Variants in ARHGAP10 observed in about 807,000 individuals in gnomAD.
ARHGAP10 encodes Rho GTPase activating protein 10.
ARHGAP10 carries 87 observed loss-of-function variants against 108.6 expected under a neutral mutation model. The observed-to-expected ratio is 0.80, with a 90% CI of 0.67 to 0.96. ARHGAP10 has a LOEUF of 0.96. ARHGAP10 is among the 40% of genes least tolerant of loss of function. The pLI is 0.00. For missense variants in ARHGAP10, 939 were observed against 954.5 expected, an observed-to-expected ratio of 0.98 and a Z score of 0.21; for synonymous variants, 347 against 341.1, an observed-to-expected ratio of 1.02 and a Z score of -0.19.
At chr4:147,927,108 G>A (rs1438579102) in intron 13 of ARHGAP10, among the ~76,000 whole-genome samples, 1 of 152,218 alleles carries the variant, frequency 6.6e-6, no homozygotes, top group Non-Finnish European at 1.5e-5. Context: ...AGCATGAGGA[G>A]ATGGAGACAC....
intron 18 of ARHGAP10, among the ~76,000 whole-genome samples, chr4:147,975,184 A>G (rs1219111427): frequency 6.6e-6 from 1 of 152,038 alleles, no homozygotes; most frequent in African/African-American, 2.4e-5. Flanking sequence ...TGTAATAGGG[A>G]TTGTGGTAGA....
rs1292269570 is a variant in ARHGAP10, at chr4:147,822,904, T to G, written c.259T>G (p.Leu87Val). 1 of 1,614,136 alleles carries G rather than the reference T, an allele frequency of 6.2e-7. No individual in the cohort carries two copies. Residue 87 changes from leucine (L) to valine (V), a missense_variant, in exon 3 of 23, where the codon TTA becomes GTA. By Grantham distance (32) the Leu-to-Val change is conservative. Coordinates refer to ENST00000336498, the MANE Select transcript of ARHGAP10 (RefSeq NM_024605.4). ...CTCCTTTCTTCTTACAGATGCTTCC[T>G]TACGTGAATTTTCAAATTTTTTGAA... Reference protein sequence around the residue: ...TDDERCIDASLREFSNFLKNL... With the variant: ...TDDERCIDASVREFSNFLKNL...
chr4:148,066,946 G>T (rs1729907634), intron 22 of ARHGAP10, among the ~76,000 whole-genome samples: 3 of 152,244 alleles, frequency 2.0e-5, no homozygotes. Context: ...GAGCCAGTTT[G>T]TGTCTCCCTT....
intron 8 of ARHGAP10, among the ~76,000 whole-genome samples, chr4:147,876,485 C>T (rs552820641): frequency 5.9e-5 from 9 of 151,890 alleles, no homozygotes; most frequent in South Asian, 2.1e-4. Flanking sequence ...CCCAGCTACT[C>T]GGGAGGCTGA....
chr4:147,805,067 G>C (rs1488908554), intron 1 of ARHGAP10, among the ~76,000 whole-genome samples: 3 of 152,104 alleles, frequency 2.0e-5, no homozygotes, highest in Non-Finnish European at 4.4e-5. Flanking sequence ...ATCCAGAATG[G>C]TATTTCCTAG....
chr4:147,902,722 C>G (rs563562901), intron 10 of ARHGAP10, among the ~76,000 whole-genome samples: 22 of 152,074 alleles, frequency 1.4e-4, no homozygotes, highest in African/African-American at 4.6e-4. Flanking sequence ...GTCTGGGAGA[C>G]AGAGCGAAAC....
intron 18 of ARHGAP10, among the ~76,000 whole-genome samples, chr4:147,985,287 T>C (rs1739993901): frequency 6.6e-6 from 1 of 151,900 alleles, no homozygotes; most frequent in Non-Finnish European, 1.5e-5. Context: ...ACAGGAAAGA[T>C]GGGTGGCTCA....
chr4:147,825,438 C>T (rs1440429148), intron 3 of ARHGAP10, among the ~76,000 whole-genome samples: 1 of 149,632 alleles, frequency 6.7e-6, no homozygotes, highest in East Asian at 2.0e-4. Context: ...CAGAGCGAGA[C>T]TCCATCTCAA....
At chr4:148,020,289 GTT>G (rs987515524) in intron 18 of ARHGAP10, among the ~76,000 whole-genome samples, 2 of 151,800 alleles carry the variant, frequency 1.3e-5, no homozygotes, top group African/African-American at 2.4e-5. Context: ...TTTTTCTGGT[GTT>G]TTTTTTCCCT....
At chr4:148,041,927 C>T (rs1413552124) in intron 19 of ARHGAP10, among the ~76,000 whole-genome samples, 2 of 152,196 alleles carry the variant, frequency 1.3e-5, no homozygotes, top group Admixed American at 6.5e-5. Flanking sequence ...TTTACTTTTC[C>T]GCATCTTCTT....
chr4:147,773,536 TTAAA>T (rs1463418581), intron 1 of ARHGAP10, among the ~76,000 whole-genome samples: 1 of 152,236 alleles, frequency 6.6e-6, no homozygotes, highest in Non-Finnish European at 1.5e-5. Context: ...CGATGTACAC[TTAAA>T]TATTGTATTC....
rs554178317 is a variant in ARHGAP10 at position 148,053,602 on chromosome 4, A to G, written c.2027+6551A>G. On this transcript the variant is annotated intron_variant, in intron 20 of 22. Transcript: ENST00000336498. ...TATTCGGTTGTCTCCCTTCAGCTTC[A>G]GAAACGCTCTGGAAGTGATTCTCAG... Among the ~76,000 whole-genome samples, 39 of 152,286 alleles carry G rather than the reference A, an allele frequency of 2.6e-4. No homozygotes were observed. In the East Asian group the frequency reaches 6.8e-3, roughly 26 times the overall value.
intron 18 of ARHGAP10, among the ~76,000 whole-genome samples, chr4:147,987,096 A>T (rs375427730): frequency 7.9e-5 from 12 of 152,370 alleles, no homozygotes; most frequent in African/African-American, 2.9e-4. Context: ...AGAAATCTAA[A>T]ATTATACCAG....
At chr4:148,038,104 T>C (rs897083606) in intron 19 of ARHGAP10, among the ~76,000 whole-genome samples, 1 of 152,190 alleles carries the variant, frequency 6.6e-6, no homozygotes, top group African/African-American at 2.4e-5. Flanking sequence ...TAGCATTAGG[T>C]ACTACTTTTT....
chr4:147,743,283 T>C (rs1362243746), intron 1 of ARHGAP10, among the ~76,000 whole-genome samples: 16 of 152,076 alleles, frequency 1.1e-4, no homozygotes, highest in Admixed American at 6.5e-5. Context: ...TCCACCCGCC[T>C]CAGCCTCAAA....
At chr4:147,966,152 G>A (rs547122451) in intron 17 of ARHGAP10, among the ~76,000 whole-genome samples, 88 of 152,340 alleles carry the variant, frequency 5.8e-4, no homozygotes, top group Middle Eastern at 3.4e-3. Context: ...GGAAGCAAAA[G>A]TATAATATTC....
chr4:147,774,748 G>A (rs1489374722), intron 1 of ARHGAP10, among the ~76,000 whole-genome samples: 1 of 152,100 alleles, frequency 6.6e-6, no homozygotes, highest in African/African-American at 2.4e-5. Flanking sequence ...GCTTAAAGAG[G>A]TAAGCAAGAT....
chr4:147,862,498 C>T (rs917249896), intron 5 of ARHGAP10: 2 of 152,514 alleles, frequency 1.3e-5, no homozygotes, highest in Non-Finnish European at 2.9e-5. Flanking sequence ...CCGCGGGCAC[C>T]ATGGAGTGCG....
intron 18 of ARHGAP10, among the ~76,000 whole-genome samples, chr4:147,997,648 A>G (rs1002341116): frequency 1.1e-4 from 16 of 152,250 alleles, no homozygotes; most frequent in African/African-American, 3.4e-4. Context: ...AATAACTTTA[A>G]TGGTAAAACA....
Sources: gnomAD v4.1 joint callset for allele counts (sites outside exome capture counted in the v4.1 genomes callset) on GRCh38, gnomAD v4.1.1 for gene constraint, MANE v1.5 for transcripts, NCBI Gene and HGNC (gene_info 2026-07-23, HGNC 2026-07-21) for gene names.